Variants in CHD2 observed in about 807,000 individuals in gnomAD.
CHD2 encodes ATP-dependent chromatin remodeler CHD2.
CHD2 carries 28 observed loss-of-function variants against 243.9 expected under a neutral mutation model. That is an observed-to-expected ratio of 0.11 (90% confidence interval 0.09 to 0.16). The LOEUF (loss-of-function observed/expected upper bound fraction) is 0.16, where lower values mean the gene tolerates loss of function less well. CHD2 is among the 10% of genes least tolerant of loss of function. The pLI is 1.00. For synonymous variants in CHD2, 775 were observed against 779.0 expected, an observed-to-expected ratio of 0.99 and a Z score of 0.09; for missense variants, 1,386 against 2,209.8, an observed-to-expected ratio of 0.63 and a Z score of 7.47.
intron 2 of CHD2, among the ~76,000 whole-genome samples, chr15:92,918,392 G>A (rs962893547): frequency 1.3e-5 from 2 of 152,058 alleles, no homozygotes; most frequent in African/African-American, 2.4e-5. Context: ...TATTTGTTAA[G>A]TAAAAAATTA....
chr15:92,913,123 G>C lies in CHD2; in HGVS notation c.63-11198G>C, dbSNP rs539793742. ...TCTTGCTTGAAAGTTAAAAAATTCAGCAATTCTAGGGTTGTGTCCAAGAAT... is the reference window on the plus strand; with the variant it reads ...TCTTGCTTGAAAGTTAAAAAATTCACCAATTCTAGGGTTGTGTCCAAGAAT... On this transcript the variant is annotated intron_variant, in intron 2 of 38. Coordinates refer to ENST00000394196, the MANE Select transcript of CHD2 (RefSeq NM_001271.4). 4.6e-5 allele frequency among the ~76,000 whole-genome samples: 7 copies of C among 152,288 alleles called. No homozygotes were observed. In the East Asian group the frequency reaches 1.2e-3, roughly 25 times the overall value.
chr15:92,942,411 T>C lies in CHD2; in HGVS notation c.827-432T>C, dbSNP rs114588697. ...TTAATGCTTTTTCTTTTGGCTTTTT[T>C]TTTTTTTTCTTTTTTTCATTCTGGC... On this transcript the variant is annotated intron_variant, in intron 8 of 38. Coordinates refer to ENST00000394196, the MANE Select transcript of CHD2 (RefSeq NM_001271.4). 8.2e-3 allele frequency among the ~76,000 whole-genome samples: 1,238 copies of C among 151,882 alleles called. 16 individuals are homozygous for C. The highest frequency in any genetic ancestry group is 0.028 in the African/African-American group (1,142 of 41,508).
At chr15:92,927,425 C>T in intron 4 of CHD2, 95 bp downstream of exon 4, 1 of 876,416 alleles carries the variant, frequency 1.1e-6, no homozygotes, top group South Asian at 1.5e-5. Context: ...AAAGACTGAA[C>T]TTCAGGCATG....
At chr15:92,964,745 T>TA (rs2053734266) in intron 16 of CHD2, among the ~76,000 whole-genome samples, 1 of 152,166 alleles carries the variant, frequency 6.6e-6, no homozygotes, top group Admixed American at 6.5e-5. Context: ...AACTTGGTAT[T>TA]AAGGGTAGAA....
At chr15:92,963,853 G>C (rs1274872803) in intron 16 of CHD2, among the ~76,000 whole-genome samples, 1 of 152,204 alleles carries the variant, frequency 6.6e-6, no homozygotes, top group Non-Finnish European at 1.5e-5. Flanking sequence ...GTCACCCTAC[G>C]TAGTAAGAGT....
intron 5 of CHD2, among the ~76,000 whole-genome samples, chr15:92,935,697 A>C (rs892282626): frequency 1.3e-5 from 2 of 152,160 alleles, no homozygotes; most frequent in Non-Finnish European, 2.9e-5. Context: ...CACTTACTGT[A>C]AACATCTTCC....
Position 92,976,248 on chromosome 15 carries a change from T to G in CHD2, c.2577+1298T>G, listed in dbSNP as rs542958838. ...GTTGATTCCCACTCACTATGATGGC[T>G]ATATAGAACACAAGTTCTCTACCAT... On this transcript the variant is annotated intron_variant, in intron 20 of 38. Coordinates refer to ENST00000394196, the MANE Select transcript of CHD2 (RefSeq NM_001271.4). Among the ~76,000 whole-genome samples, 7 of 152,328 alleles carry G rather than the reference T, an allele frequency of 4.6e-5. No individual in the cohort carries two copies. The South Asian group carries it at 1.4e-3, about 32-fold the overall frequency.
At chr15:92,958,158 GT>G (rs1243515663) in intron 16 of CHD2, among the ~76,000 whole-genome samples, 1 of 152,164 alleles carries the variant, frequency 6.6e-6, no homozygotes, top group African/African-American at 2.4e-5. Flanking sequence ...GAAAGTTTAT[GT>G]TTAACATTTT....
rs778950858 is a variant in CHD2, at chr15:92,924,517, G to A, written c.259G>A (p.Ala87Thr). The A allele has an allele frequency of 2.5e-6, 4 of 1,614,042 alleles. No homozygotes were observed. The highest frequency in any genetic ancestry group is 2.2e-5 in the East Asian group (1 of 44,892). ...CCTCCCAGAAGCCAAAGAGAAGCCA[G>A]CCTCTAAGAAGGAACGGATAGCTGA... ...PVLPEAKEKP[A>T]SKKERIADVK... The change falls in exon 3 of 39, where the codon GCC becomes ACC. Residue 87 changes from alanine to threonine, a missense_variant. Ala to Thr is a moderately conservative substitution (Grantham distance 58). Coordinates refer to ENST00000394196, the MANE Select transcript of CHD2 (RefSeq NM_001271.4).
At chr15:93,020,388 C>T (rs1394449539) in intron 38 of CHD2, 130 bp downstream of exon 38, 2 of 1,126,458 alleles carry the variant, frequency 1.8e-6, no homozygotes, top group Non-Finnish European at 2.6e-6. Context: ...GTGTCAGCCA[C>T]AGCGAATCCC....
At chr15:92,933,870 T>G (rs1406530673) in intron 5 of CHD2, among the ~76,000 whole-genome samples, 1 of 152,172 alleles carries the variant, frequency 6.6e-6, no homozygotes, top group East Asian at 1.9e-4. Flanking sequence ...CCTCCCAAAG[T>G]GTTGGGATTA....
intron 28 of CHD2, 93 bp downstream of exon 28, chr15:92,993,091 A>C: frequency 7.7e-7 from 1 of 1,299,980 alleles, no homozygotes; most frequent in South Asian, 1.3e-5. Flanking sequence ...AGGCTTGAGG[A>C]CCACACATGC....
At chr15:92,977,838 T>C (rs1379933430) in intron 20 of CHD2, among the ~76,000 whole-genome samples, 1 of 152,242 alleles carries the variant, frequency 6.6e-6, no homozygotes, top group Non-Finnish European at 1.5e-5. Context: ...ACTAACTGAC[T>C]TACATGGCAT....
At chr15:92,932,836 T>TCCGCCTTCTG (rs11267768) in intron 5 of CHD2, among the ~76,000 whole-genome samples, 1 of 151,822 alleles carries the variant, frequency 6.6e-6, no homozygotes, top group Non-Finnish European at 1.5e-5. Context: ...CAGCTCACTG[T>TCCGCCTTCTG]GACTCAAGTG....
rs2141868596 is a variant in CHD2, at chr15:92,998,189, C to T, written c.3886-310C>T. ...GCTCCTGGAAGGAGGAAATCCACGA[C>T]GGCTGGGATGCTCTAGCAGATGAAG... On this transcript the variant is annotated intron_variant, in intron 30 of 38. Transcript: ENST00000394196. The surrounding 1 kb of genome is among the most constrained non-coding windows in gnomAD (Gnocchi z 5.1). The T allele has an allele frequency of 1.4e-5, 15 of 1,051,298 alleles. No individual in the cohort carries two copies. The highest frequency in any genetic ancestry group is 7.5e-5 in the East Asian group (1 of 13,390). The allele number at this position is 1,051,298 out of a possible 1,614,324, so 65.1% of individuals were successfully genotyped here.
chr15:92,991,694 G>C, intron 27 of CHD2, 177 bp downstream of exon 27: 1 of 477,082 alleles, frequency 2.1e-6, no homozygotes, highest in South Asian at 3.9e-5. Context: ...TCTCTGCAGA[G>C]GGATGACAAA....
rs149190392 is a variant in CHD2, at chr15:93,004,702, C to G, written c.4364C>G (p.Pro1455Arg). ...ATTACAGCAGGAAGTGAACCTGTCCCCATTGGAGAGGATGAGGATGATGAT... is the reference window on the plus strand; with the variant it reads ...ATTACAGCAGGAAGTGAACCTGTCCGCATTGGAGAGGATGAGGATGATGAT... ...VHITAGSEPV[P>R]IGEDEDDDLD... The change falls in exon 34 of 39, where the codon CCC (proline) becomes CGC (arginine). Residue 1455 changes from proline to arginine, a missense_variant. Physicochemically the swap from Pro to Arg is moderately radical, Grantham distance 103. Transcript: ENST00000394196. 6.2e-7 allele frequency: 1 copy of G among 1,613,492 alleles called. No homozygotes were observed. The highest frequency in any genetic ancestry group is 1.7e-5 in the Admixed American group (1 of 59,952).
intron 2 of CHD2, among the ~76,000 whole-genome samples, chr15:92,903,746 A>G (rs968396974): frequency 6.6e-6 from 1 of 152,338 alleles, no homozygotes; most frequent in African/African-American, 2.4e-5. Context: ...GTGTGCACAC[A>G]AAGAGTTCAG....
chr15:92,902,042 T>C (rs894830548), intron 2 of CHD2: 3 of 393,398 alleles, frequency 7.6e-6, no homozygotes, highest in Non-Finnish European at 1.3e-5. Context: ...TATTTGCAGT[T>C]GTATATTTTA....
Sources: gnomAD v4.1 joint callset for allele counts (sites outside exome capture counted in the v4.1 genomes callset) on GRCh38, gnomAD v4.1.1 for gene constraint, Gnocchi (gnomAD v3.1) non-coding constraint, MANE v1.5 for transcripts, NCBI Gene and HGNC (gene_info 2026-07-23, HGNC 2026-07-21) for gene names.